The following RBM19 variants were observed in gnomAD, a reference collection of about 807,000 sequenced individuals.
RBM19 encodes the protein RNA binding motif protein 19, also known as probable RNA-binding protein 19.
A neutral mutation model predicts 116.8 loss-of-function variants in RBM19; 94 were observed. The ratio of observed to expected loss-of-function variants is 0.80; its 90% confidence interval spans 0.68 to 0.95. The LOEUF (loss-of-function observed/expected upper bound fraction) is 0.95, where lower values mean the gene tolerates loss of function less well. RBM19 is among the 40% of genes least tolerant of loss of function. The probability of loss-of-function intolerance (pLI) is 0.00; values close to 1 mark genes in which losing one functional copy is unlikely to be tolerated. For synonymous variants in RBM19, 475 were observed against 494.1 expected, an observed-to-expected ratio of 0.96 and a Z score of 0.51; for missense variants, 1,161 against 1,220.7, an observed-to-expected ratio of 0.95 and a Z score of 0.73.
chr12:113,887,712 G>A (rs1163617578), intron 21 of RBM19, among the ~76,000 whole-genome samples: 1 of 151,662 alleles, frequency 6.6e-6, no homozygotes, highest in Non-Finnish European at 1.5e-5. Context: ...TCTTGGGTGG[G>A]CCTCAGGCAC....
At chr12:113,955,794 C>A (rs2135935596) in intron 6 of RBM19, among the ~76,000 whole-genome samples, 1 of 152,332 alleles carries the variant, frequency 6.6e-6, no homozygotes, top group Middle Eastern at 3.4e-3. Flanking sequence ...CTGATTCACG[C>A]AGCGCAAGCA....
intron 16 of RBM19, among the ~76,000 whole-genome samples, chr12:113,932,160 C>T (rs985074322): frequency 1.2e-4 from 18 of 152,158 alleles, no homozygotes; most frequent in African/African-American, 3.9e-4. Flanking sequence ...GGTCATATCC[C>T]GGCTCTCTCC....
At chr12:113,948,432 A>G (rs1871219839) in intron 10 of RBM19, among the ~76,000 whole-genome samples, 1 of 152,226 alleles carries the variant, frequency 6.6e-6, no homozygotes, top group Non-Finnish European at 1.5e-5. Flanking sequence ...AAGAGTTCAG[A>G]TACGGAGGAA....
intron 16 of RBM19, 71 bp downstream of exon 16, chr12:113,936,936 C>G: frequency 6.5e-7 from 1 of 1,550,386 alleles, no homozygotes; most frequent in Non-Finnish European, 8.7e-7. Flanking sequence ...AGAAACTTCA[C>G]GCTGCCCCCA....
chr12:113,846,703 A>T (rs1438517375), intron 22 of RBM19, among the ~76,000 whole-genome samples: 2 of 152,020 alleles, frequency 1.3e-5, no homozygotes, highest in South Asian at 2.1e-4. Context: ...GAACTGTGAG[A>T]CACATTTCTG....
chr12:113,960,745 G>A (rs958770045), intron 2 of RBM19, among the ~76,000 whole-genome samples: 2 of 152,186 alleles, frequency 1.3e-5, no homozygotes, highest in Non-Finnish European at 2.9e-5. Context: ...ACCCCACACT[G>A]CCCTGGGTTA....
intron 5 of RBM19, among the ~76,000 whole-genome samples, chr12:113,958,282 G>C (rs1360732749): frequency 2.0e-5 from 3 of 152,104 alleles, no homozygotes; most frequent in African/African-American, 7.2e-5. Flanking sequence ...CTGGCTCCCT[G>C]CCACCAGCCA....
rs560322529 is a variant in RBM19, at chr12:113,858,877, T to C, written c.2578A>G (p.Thr860Ala). The C allele has an allele frequency of 6.2e-7, 1 of 1,614,030 alleles. No individual in the cohort carries two copies. The highest frequency in any genetic ancestry group is 8.5e-7 in the Non-Finnish European group (1 of 1,180,048). ...ELFSTFGELKTVRLPKKMTGT... is the reference protein window; with the variant it reads ...ELFSTFGELKAVRLPKKMTGT... ...GTCATCTTCTTTGGCAGGCGGACCG[T>C]CTTCAACTCCCCAAAGGTGCTAGAA... is the stretch of plus-strand genomic sequence containing the variant. Residue 860 changes from threonine (T) to alanine (A), a missense_variant, in exon 22 of 24, where the codon ACG (threonine) becomes GCG (alanine). Thr to Ala is a moderately conservative substitution (Grantham distance 58). Coordinates refer to ENST00000261741, the MANE Select transcript of RBM19 (RefSeq NM_016196.4).
At chr12:113,827,987 T>C (rs979979990) in intron 23 of RBM19, among the ~76,000 whole-genome samples, 2 of 151,316 alleles carry the variant, frequency 1.3e-5, no homozygotes, top group African/African-American at 2.4e-5. Context: ...GCTGTCAATA[T>C]AGGTTGGTCA....
At chr12:113,871,821 G>C (rs577945352) in intron 21 of RBM19, among the ~76,000 whole-genome samples, 1 of 151,494 alleles carries the variant, frequency 6.6e-6, no homozygotes, top group East Asian at 2.0e-4. Flanking sequence ...CCGCCGCGCC[G>C]GCGAGCGCCG....
At chr12:113,943,455 C>T (rs1463399884) in intron 13 of RBM19, among the ~76,000 whole-genome samples, 1 of 151,976 alleles carries the variant, frequency 6.6e-6, no homozygotes, top group African/African-American at 2.4e-5. Flanking sequence ...AAAACACACA[C>T]AGAATTCCGT....
Position 113,944,539 on chromosome 12 carries a change from T to C in RBM19, c.1626+1289A>G, listed in dbSNP as rs533469219. ...AAATATACTTTATATGACTCCTGCC[T>C]GTAATCCCAACACTTTGGGAGGCCA... is the stretch of plus-strand genomic sequence containing the variant. On this transcript the variant is annotated intron_variant, in intron 13 of 23. Transcript: ENST00000261741. Among the ~76,000 whole-genome samples the C allele has an allele frequency of 2.0e-5, 3 of 152,282 alleles. No individual in the cohort carries two copies. The East Asian group carries it at 5.8e-4, about 29-fold the overall frequency.
intron 22 of RBM19, 90 bp downstream of exon 22, chr12:113,858,701 C>G (rs1012739807): frequency 5.7e-6 from 7 of 1,229,056 alleles, no homozygotes; most frequent in Admixed American, 1.8e-5. Flanking sequence ...GGAGGTGACT[C>G]TGTGTGTGTT....
chr12:113,939,385 G>A (rs764599202), intron 15 of RBM19, among the ~76,000 whole-genome samples: 3 of 152,102 alleles, frequency 2.0e-5, no homozygotes, highest in Non-Finnish European at 4.4e-5. Flanking sequence ...ATTAACATGG[G>A]TAAAGAAAGC....
At chr12:113,840,848 A>G (rs1459968628) in intron 23 of RBM19, among the ~76,000 whole-genome samples, 1 of 152,120 alleles carries the variant, frequency 6.6e-6, no homozygotes, top group Non-Finnish European at 1.5e-5. Context: ...GAGCTCTGAC[A>G]CTACTCCGCT....
At chr12:113,913,991 T>C (rs1215385970) in intron 21 of RBM19, among the ~76,000 whole-genome samples, 2 of 152,220 alleles carry the variant, frequency 1.3e-5, no homozygotes, top group Non-Finnish European at 2.9e-5. Context: ...GCATTCCCCT[T>C]AGGCCCTGAT....
downstream of RBM19, among the ~76,000 whole-genome samples, chr12:113,819,419 C>A (rs926194433): frequency 7.2e-5 from 11 of 152,164 alleles, no homozygotes; most frequent in Non-Finnish European, 5.9e-5. Context: ...GTGACCATAT[C>A]GGCAGGGAAG....
At chr12:113,936,766 T>C (rs1870102658) in intron 16 of RBM19, 3 of 436,342 alleles carry the variant, frequency 6.9e-6, no homozygotes, top group African/African-American at 2.0e-5. Flanking sequence ...TGTTAATAGA[T>C]AGTAATTTTT....
At chr12:113,863,386 G>T (rs1878563966) in intron 21 of RBM19, among the ~76,000 whole-genome samples, 1 of 152,162 alleles carries the variant, frequency 6.6e-6, no homozygotes, top group African/African-American at 2.4e-5. Flanking sequence ...TGAAGCGACA[G>T]GCTCAGGGGG....
Sources: gnomAD v4.1 joint callset for allele counts (sites outside exome capture counted in the v4.1 genomes callset) on GRCh38, gnomAD v4.1.1 for gene constraint, MANE v1.5 for transcripts, NCBI Gene and HGNC (gene_info 2026-07-23, HGNC 2026-07-21) for gene names.